Variants in FAM135B observed in about 807,000 individuals in gnomAD.
The protein encoded by FAM135B is protein FAM135B.
FAM135B carries 43 observed loss-of-function variants against 127.7 expected under a neutral mutation model. The ratio of observed to expected loss-of-function variants is 0.34; its 90% CI spans 0.26 to 0.43. The LOEUF (loss-of-function observed/expected upper bound fraction) is 0.43. FAM135B is among the 20% of genes least tolerant of loss of function. The pLI, the probability that FAM135B is intolerant of heterozygous loss-of-function variation, is 1.00. For missense variants in FAM135B, 1,558 were observed against 1,725.6 expected, an observed-to-expected ratio of 0.90 and a Z score of 1.72; for synonymous variants, 670 against 665.1, an observed-to-expected ratio of 1.01 and a Z score of -0.11.
intron 3 of FAM135B, among the ~76,000 whole-genome samples, chr8:138,275,692 C>A (rs956043580): frequency 2.0e-5 from 3 of 151,424 alleles, no homozygotes; most frequent in Non-Finnish European, 4.4e-5. Context: ...GAGAGTTTGT[C>A]TCTAAAAAAA....
At chr8:138,222,865 T>G (rs1019763711) in intron 7 of FAM135B, among the ~76,000 whole-genome samples, 1 of 152,150 alleles carries the variant, frequency 6.6e-6, no homozygotes, top group African/African-American at 2.4e-5. Context: ...TACAGACAGT[T>G]CAGAGTCTTT....
chr8:138,393,754 G>C (rs568673033), intron 1 of FAM135B, among the ~76,000 whole-genome samples: 1 of 152,156 alleles, frequency 6.6e-6, no homozygotes, highest in Non-Finnish European at 1.5e-5. Flanking sequence ...ATCTCTGCAT[G>C]AGTCTCTCCT....
chr8:138,493,071 C>G (rs544658062), intron 1 of FAM135B, among the ~76,000 whole-genome samples: 3 of 152,174 alleles, frequency 2.0e-5, no homozygotes, highest in South Asian at 2.1e-4. Flanking sequence ...ATCCCAGGCT[C>G]ACAGTGCCAC....
intron 1 of FAM135B, among the ~76,000 whole-genome samples, chr8:138,421,165 T>A (rs1009372822): frequency 2.6e-5 from 4 of 152,010 alleles, no homozygotes; most frequent in Admixed American, 2.6e-4. Flanking sequence ...CAAAAAAAAT[T>A]AGCCAGGCAT....
At chr8:138,373,305 A>G (rs977958395) in intron 1 of FAM135B, among the ~76,000 whole-genome samples, 3 of 151,948 alleles carry the variant, frequency 2.0e-5, no homozygotes, top group Admixed American at 6.6e-5. Flanking sequence ...ATAATTTCTT[A>G]TGCCTGTCTT....
chr8:138,186,871 C>T (rs77972768), intron 9 of FAM135B, among the ~76,000 whole-genome samples: 9,138 of 152,298 alleles, frequency 0.06, 629 homozygotes, highest in African/African-American at 0.17. Flanking sequence ...CAAGATAGCA[C>T]TGCAATGGAA....
At chr8:138,307,415 T>A (rs1257880977) in intron 3 of FAM135B, among the ~76,000 whole-genome samples, 1 of 152,096 alleles carries the variant, frequency 6.6e-6, no homozygotes, top group East Asian at 1.9e-4. Context: ...ATCAGCAGCA[T>A]GAAAACAGAC....
At chr8:138,266,597 A>G (rs1822943167) in intron 3 of FAM135B, among the ~76,000 whole-genome samples, 1 of 134,868 alleles carries the variant, frequency 7.4e-6, no homozygotes, top group Non-Finnish European at 1.7e-5. Flanking sequence ...GTGTGTATAT[A>G]TATGTATATG....
At chr8:138,202,951 A>G (rs1817263135) in intron 7 of FAM135B, among the ~76,000 whole-genome samples, 1 of 152,158 alleles carries the variant, frequency 6.6e-6, no homozygotes, top group South Asian at 2.1e-4. Context: ...TGGCTCCCTC[A>G]CTAGCAGGTT....
intron 2 of FAM135B, among the ~76,000 whole-genome samples, chr8:138,362,710 ATTG>A (rs1830507590): frequency 1.3e-5 from 2 of 152,188 alleles, no homozygotes. Flanking sequence ...ATTACTTATT[ATTG>A]TTATCTAATT....
At chr8:138,266,201 GAGA>G (rs1822908748) in intron 3 of FAM135B, among the ~76,000 whole-genome samples, 1 of 152,082 alleles carries the variant, frequency 6.6e-6, no homozygotes, top group Non-Finnish European at 1.5e-5. Flanking sequence ...AAACAATGAG[GAGA>G]AGAACGGGGA....
At chr8:138,442,171 C>T (rs901383418) in intron 1 of FAM135B, among the ~76,000 whole-genome samples, 4 of 142,834 alleles carry the variant, frequency 2.8e-5, no homozygotes, top group African/African-American at 2.6e-5. Context: ...AACTAGAATA[C>T]AGCTTGTCTT....
At chr8:138,456,502 C>T (rs1441769383) in intron 1 of FAM135B, among the ~76,000 whole-genome samples, 1 of 152,156 alleles carries the variant, frequency 6.6e-6, no homozygotes, top group South Asian at 2.1e-4. Context: ...TCCATGCTCC[C>T]AGCCTAGGGA....
chr8:138,431,381 T>C (rs1056521388), intron 1 of FAM135B, among the ~76,000 whole-genome samples: 1 of 152,188 alleles, frequency 6.6e-6, no homozygotes, highest in East Asian at 1.9e-4. Flanking sequence ...GAGAATACAT[T>C]AGTGGACATG....
At chr8:138,415,039 A>G (rs1363823840) in intron 1 of FAM135B, among the ~76,000 whole-genome samples, 1 of 152,196 alleles carries the variant, frequency 6.6e-6, no homozygotes, top group Non-Finnish European at 1.5e-5. Context: ...CTATGGGAAG[A>G]TGTAAAACTC....
At chr8:138,210,101 A>G (rs1818024860) in intron 7 of FAM135B, among the ~76,000 whole-genome samples, 1 of 152,198 alleles carries the variant, frequency 6.6e-6, no homozygotes, top group Non-Finnish European at 1.5e-5. Context: ...AAGATCATCA[A>G]ATTAGACATG....
chr8:138,453,842 A>G (rs1836629178), intron 1 of FAM135B, among the ~76,000 whole-genome samples: 1 of 152,204 alleles, frequency 6.6e-6, no homozygotes, highest in Admixed American at 6.5e-5. Flanking sequence ...TAGTGAAGAT[A>G]ATAATAGTAC....
At chr8:138,459,778 G>C (rs1401602) in intron 1 of FAM135B, among the ~76,000 whole-genome samples, 69,782 of 151,828 alleles carry the variant, frequency 0.46, 17,622 homozygotes, top group East Asian at 0.84. Context: ...CCTCTTCCAA[G>C]CTATGGCAAA....
intron 1 of FAM135B, among the ~76,000 whole-genome samples, chr8:138,416,494 G>C (rs559028107): frequency 6.6e-6 from 1 of 152,094 alleles, no homozygotes; most frequent in East Asian, 1.9e-4. Flanking sequence ...TTTTTATCTT[G>C]TGTTATCATC....
Sources: allele counts gnomAD v4.1 joint callset (sites outside exome capture counted in the v4.1 genomes callset), GRCh38; gene constraint gnomAD v4.1.1; transcripts MANE v1.5; gene names NCBI Gene and HGNC (gene_info 2026-07-23, HGNC 2026-07-21).